The following PPFIA2 variants were observed in gnomAD, a reference collection of about 807,000 sequenced individuals.
PPFIA2 encodes the protein liprin-alpha-2.
In PPFIA2, 46 loss-of-function variants were observed where a neutral mutation model predicts 175.5. The observed-to-expected ratio is 0.26, with a 90% CI of 0.21 to 0.34. The LOEUF is 0.34. PPFIA2 is among the 10% of genes least tolerant of loss of function. The pLI, the probability that PPFIA2 is intolerant of heterozygous loss-of-function variation, is 1.00. For synonymous variants in PPFIA2, 568 were observed against 511.4 expected, an observed-to-expected ratio of 1.11 and a Z score of -1.49; for missense variants, 1,179 against 1,506.1, an observed-to-expected ratio of 0.78 and a Z score of 3.60.
At chr12:81,297,567 A>T (rs1181461729) in intron 23 of PPFIA2, among the ~76,000 whole-genome samples, 1 of 152,200 alleles carries the variant, frequency 6.6e-6, no homozygotes. Flanking sequence ...CAGGTACATT[A>T]TATATGACAG....
intron 4 of PPFIA2, among the ~76,000 whole-genome samples, chr12:81,551,477 A>C (rs2067911530): frequency 6.6e-6 from 1 of 152,026 alleles, no homozygotes; most frequent in Non-Finnish European, 1.5e-5. Context: ...AAATAAAAAC[A>C]AAGTGACTAT....
intron 4 of PPFIA2, among the ~76,000 whole-genome samples, chr12:81,559,840 G>A (rs1265769095): frequency 6.7e-6 from 1 of 148,218 alleles, no homozygotes; most frequent in Non-Finnish European, 1.5e-5. Context: ...GCAATCTTCT[G>A]TCTCATTTCC....
At chr12:81,541,159 T>G (rs1311542018) in intron 4 of PPFIA2, among the ~76,000 whole-genome samples, 1 of 152,160 alleles carries the variant, frequency 6.6e-6, no homozygotes, top group African/African-American at 2.4e-5. Context: ...TGTTAAATAG[T>G]CTTCTATTAT....
At chr12:81,665,769 C>T in intron 4 of PPFIA2, among the ~76,000 whole-genome samples, 1 of 151,914 alleles carries the variant, frequency 6.6e-6, no homozygotes, top group East Asian at 1.9e-4. Flanking sequence ...CAAATGGGAT[C>T]TAATTAAACT....
chr12:81,304,971 A>G (rs7971813), intron 22 of PPFIA2, among the ~76,000 whole-genome samples: 11 of 151,978 alleles, frequency 7.2e-5, no homozygotes, highest in African/African-American at 2.2e-4. Flanking sequence ...AGGTTGTTTC[A>G]ATTTTCAAGC....
At chr12:81,488,092 A>G (rs1223033931) in intron 4 of PPFIA2, among the ~76,000 whole-genome samples, 1 of 151,926 alleles carries the variant, frequency 6.6e-6, no homozygotes, top group African/African-American at 2.4e-5. Context: ...TAACATTACT[A>G]TACATAACAG....
intron 11 of PPFIA2, among the ~76,000 whole-genome samples, chr12:81,369,619 T>C (rs562719552): frequency 6.6e-6 from 1 of 151,984 alleles, no homozygotes; most frequent in African/African-American, 2.4e-5. Flanking sequence ...CCAGTAGGAC[T>C]ACCTTCCTAC....
At chr12:81,648,229 A>G (rs2153528228) in intron 4 of PPFIA2, among the ~76,000 whole-genome samples, 1 of 152,008 alleles carries the variant, frequency 6.6e-6, no homozygotes, top group Middle Eastern at 3.4e-3. Context: ...CAATTCATAC[A>G]TACAAAAAAA....
At position 81,696,909 on chromosome 12, in the gene PPFIA2, G is replaced by T. The variant is rs193113964; in HGVS notation, c.250-20065C>A. ...TCCTTAAACCTTATGCACTTGAAAA[G>T]AAATAGAGTCCTACCTTTTGACCTT... On this transcript the variant is annotated intron_variant, in intron 3 of 32. Transcript: ENST00000549396. Among the ~76,000 whole-genome samples, 70 of 151,918 alleles carry T rather than the reference G, an allele frequency of 4.6e-4. No individual in the cohort carries two copies. The East Asian group carries it at 8.7e-3, about 19-fold the overall frequency.
At chr12:81,615,471 T>C (rs2061351201) in intron 4 of PPFIA2, among the ~76,000 whole-genome samples, 1 of 152,150 alleles carries the variant, frequency 6.6e-6, no homozygotes, top group Non-Finnish European at 1.5e-5. Flanking sequence ...CTGGAGGCCC[T>C]AGTGGATTCC....
intron 4 of PPFIA2, among the ~76,000 whole-genome samples, chr12:81,657,243 G>A (rs1452304652): frequency 6.6e-6 from 1 of 152,202 alleles, no homozygotes; most frequent in Non-Finnish European, 1.5e-5. Context: ...GGAAAGGGAA[G>A]AATCCCAAGC....
intron 4 of PPFIA2, among the ~76,000 whole-genome samples, chr12:81,548,786 A>T (rs962401417): frequency 1.3e-5 from 2 of 152,178 alleles, no homozygotes; most frequent in African/African-American, 4.8e-5. Flanking sequence ...GATGATAAAA[A>T]AATCCAAAAG....
intron 4 of PPFIA2, among the ~76,000 whole-genome samples, chr12:81,550,046 A>G (rs982591461): frequency 3.3e-5 from 5 of 152,014 alleles, no homozygotes; most frequent in African/African-American, 1.2e-4. Flanking sequence ...TATTACAAAA[A>G]CAGTTTAGTC....
At chr12:81,464,959 A>C (rs1165652408) in intron 4 of PPFIA2, among the ~76,000 whole-genome samples, 1 of 152,136 alleles carries the variant, frequency 6.6e-6, no homozygotes, top group African/African-American at 2.4e-5. Context: ...TAATTGAGAA[A>C]AAAAATGACA....
intron 4 of PPFIA2, among the ~76,000 whole-genome samples, chr12:81,565,781 A>T (rs2071161922): frequency 6.6e-6 from 1 of 152,214 alleles, no homozygotes; most frequent in Non-Finnish European, 1.5e-5. Context: ...AATGCCTAGA[A>T]ACAGCTTTCA....
At chr12:81,317,653 C>A (rs997949559) in intron 22 of PPFIA2, among the ~76,000 whole-genome samples, 7 of 151,608 alleles carry the variant, frequency 4.6e-5, no homozygotes, top group African/African-American at 1.4e-4. Context: ...ACTGCCCTAA[C>A]TCCTATTACA....
intron 4 of PPFIA2, among the ~76,000 whole-genome samples, chr12:81,555,265 G>A (rs945030975): frequency 1.3e-5 from 2 of 151,848 alleles, no homozygotes; most frequent in Non-Finnish European, 2.9e-5. Flanking sequence ...TATGTTGTAG[G>A]AAATTCATAT....
chr12:81,498,732 C>T (rs577879138), intron 4 of PPFIA2, among the ~76,000 whole-genome samples: 2 of 152,106 alleles, frequency 1.3e-5, no homozygotes, highest in African/African-American at 2.4e-5. Context: ...TCAAGTGATT[C>T]TCTTGCCTCA....
At chr12:81,335,639 G>C (rs1464475474) in intron 21 of PPFIA2, among the ~76,000 whole-genome samples, 1 of 152,052 alleles carries the variant, frequency 6.6e-6, no homozygotes, top group Admixed American at 6.6e-5. Context: ...AGCTACTAGG[G>C]AGGTTGAGGC....
Sources: gnomAD v4.1 joint callset for allele counts (sites outside exome capture counted in the v4.1 genomes callset) on GRCh38, gnomAD v4.1.1 for gene constraint, MANE v1.5 for transcripts, NCBI Gene and HGNC (gene_info 2026-07-23, HGNC 2026-07-21) for gene names.